Variants in MAPT observed in about 807,000 individuals in gnomAD.
MAPT encodes microtubule-associated protein tau.
In MAPT, 34 loss-of-function variants were observed where a neutral mutation model predicts 67.9. That is an observed-to-expected ratio of 0.50 (90% CI 0.38 to 0.67). The LOEUF is 0.67. Ranked by LOEUF, MAPT falls within the 30% of genes least tolerant of loss-of-function variation. The pLI is 0.00. For missense variants in MAPT, 881 were observed against 1,115.2 expected, an observed-to-expected ratio of 0.79 and a Z score of 2.99; for synonymous variants, 456 against 464.5, an observed-to-expected ratio of 0.98 and a Z score of 0.23.
rs577329592 is a variant in MAPT, at chr17:45,990,993, C to A, written c.1606-467C>A. The stretch of plus-strand genomic sequence containing the variant: ...TTTGCGAGAGAATGAAAGAACACGA[C>A]CTAGCTCTCTTTAGCATCCTTGGTC... On this transcript the variant is annotated intron_variant, in intron 7 of 12. Transcript: ENST00000262410. Among the ~76,000 whole-genome samples the A allele has an allele frequency of 3.9e-5, 6 of 152,304 alleles. 1 individual carries two copies. The South Asian group carries it at 1.2e-3, about 32-fold the overall frequency.
chr17:45,962,055 G>A (rs1405833974), intron 1 of MAPT, among the ~76,000 whole-genome samples: 4 of 152,156 alleles, frequency 2.6e-5, no homozygotes, highest in Admixed American at 6.5e-5. Context: ...GATCACAGGC[G>A]TGAGCCACCA....
chr17:46,022,461 C>G (rs77747656), intron 12 of MAPT, among the ~76,000 whole-genome samples: 21,770 of 151,888 alleles, frequency 0.14, 2,125 homozygotes, highest in Non-Finnish European at 0.22. Context: ...AGCTTAAATG[C>G]GAACCTGGTT....
intron 6 of MAPT, among the ~76,000 whole-genome samples, chr17:45,989,526 C>A (rs2073889169): frequency 6.6e-6 from 1 of 152,162 alleles, no homozygotes; most frequent in Non-Finnish European, 1.5e-5. Flanking sequence ...TGGTGGGCGC[C>A]TGTAGTCCCA....
chr17:46,024,915 C>CA lies in MAPT; in HGVS notation c.*745dup, dbSNP rs2076742192. ...GGTCAGTGTGCCACCCTCTGCAGGG[C>CA]AGCCTGTGGGAGAAGGGACAGCGGG... On this transcript the variant is annotated 3_prime_UTR_variant, in exon 13 of 13. Transcript: ENST00000262410. 6.5e-6 allele frequency: 1 copy of CA among 154,252 alleles called. No homozygotes were observed. Among genetic ancestry groups the CA allele is most frequent in the Non-Finnish European group, 1.4e-5 (1 of 69,442 alleles). The allele number at this position is 154,252 out of a possible 1,614,324, so 9.6% of individuals were successfully genotyped here. A position where few individuals can be genotyped will look rare whatever the true frequency, so the allele number is the denominator to read the frequency against.
rs1481566374 is a variant in MAPT, at chr17:46,010,664, G to A, written c.2091+262G>A. Among the ~76,000 whole-genome samples, 1 of 152,316 alleles carries A rather than the reference G, an allele frequency of 6.6e-6. No homozygotes were observed. The highest frequency in any genetic ancestry group is 6.5e-5 in the Admixed American group (1 of 15,306). ...CCAGCCTGCGCAGGCTGTGTGGACA[G>A]AATAGGGCAGATGACGGACCCTCTC... is the stretch of plus-strand genomic sequence containing the variant. On this transcript the variant is annotated intron_variant, in intron 10 of 12. Transcript: ENST00000262410. This position sits in a 1 kb window ranked among gnomAD's most constrained non-coding sequence, Gnocchi z 4.7.
intron 9 of MAPT, among the ~76,000 whole-genome samples, chr17:46,007,692 G>A (rs2075546342): frequency 6.6e-6 from 1 of 152,114 alleles, no homozygotes; most frequent in Admixed American, 6.5e-5. Flanking sequence ...CCCAGTGCTG[G>A]CAGCAATGTG....
chr17:45,988,995 T>TG (rs1470976269), intron 6 of MAPT, among the ~76,000 whole-genome samples: 2 of 150,094 alleles, frequency 1.3e-5, no homozygotes, highest in Middle Eastern at 3.2e-3. Flanking sequence ...AAAGCACATG[T>TG]GTGGTGGGGG....
At chr17:46,004,441 G>A (rs1444697859) in intron 9 of MAPT, among the ~76,000 whole-genome samples, 2 of 152,220 alleles carry the variant, frequency 1.3e-5, no homozygotes, top group South Asian at 2.1e-4. Context: ...CTGACTAGGA[G>A]TTCCCTGGAT....
intron 8 of MAPT, among the ~76,000 whole-genome samples, chr17:45,992,182 C>T (rs1274864676): frequency 6.6e-6 from 1 of 152,110 alleles, no homozygotes; most frequent in Non-Finnish European, 1.5e-5. Flanking sequence ...GAAATCGAGC[C>T]TCTGAGAGTT....
Position 45,906,587 on chromosome 17 carries a change from G to C in MAPT, c.-18+11901G>C, listed in dbSNP as rs890447782. 2.0e-5 allele frequency among the ~76,000 whole-genome samples: 3 copies of C among 152,072 alleles called. No homozygotes were observed. The highest frequency in any genetic ancestry group is 4.4e-5 in the Non-Finnish European group (3 of 68,016). On this transcript the variant is annotated intron_variant, in intron 1 of 12. Transcript: ENST00000262410. This position sits in a 1 kb window ranked among gnomAD's most constrained non-coding sequence, Gnocchi z 4.3. ...CACCCTGTAAATGGAGGGTTTCTCC[G>C]GAGCGTGGATGGTGGGAGGTATTTC...
At chr17:45,970,706 G>T (rs1312174442) in intron 2 of MAPT, among the ~76,000 whole-genome samples, 1 of 152,226 alleles carries the variant, frequency 6.6e-6, no homozygotes, top group East Asian at 1.9e-4. Flanking sequence ...CAGGTCCAAG[G>T]CCACCTGACC....
chr17:45,992,057 A>T (rs2074102771), intron 8 of MAPT, among the ~76,000 whole-genome samples: 1 of 152,114 alleles, frequency 6.6e-6, no homozygotes. Context: ...AAGTGCTGGG[A>T]TTACAGGCAT....
At position 46,018,718 on chromosome 17, in the gene MAPT, A is replaced by G. The variant is rs746410020; in HGVS notation, c.2274A>G (p.Gly758=). ...SLDNITHVPG[G]GNKKIETHKL... ...ACAATATCACCCACGTCCCTGGCGG[A>G]GGAAATAAAAAGGTAAAGGGGGTAG... The change falls in exon 12 of 13, where the codon GGA becomes GGG. Residue 758 remains glycine (G), a synonymous_variant. Transcript: ENST00000262410. 1.2e-6 allele frequency: 2 copies of G among 1,613,518 alleles called. No individual in the cohort carries two copies. Among genetic ancestry groups the G allele is most frequent in the South Asian group, 2.2e-5 (2 of 91,070 alleles).
At chr17:45,929,135 C>A (rs2066626710) in intron 1 of MAPT, among the ~76,000 whole-genome samples, 1 of 152,146 alleles carries the variant, frequency 6.6e-6, no homozygotes, top group Non-Finnish European at 1.5e-5. Context: ...CTCCCTAAGC[C>A]TCCCTAGAAG....
chr17:45,954,824 C>CA (rs892356637), intron 1 of MAPT, among the ~76,000 whole-genome samples: 12 of 147,720 alleles, frequency 8.1e-5, no homozygotes, highest in South Asian at 2.1e-4. Flanking sequence ...ACTAAAAATA[C>CA]AAAAAAAAAA....
chr17:45,987,947 GTTCC>G (rs1456546935), intron 6 of MAPT, among the ~76,000 whole-genome samples: 19 of 152,268 alleles, frequency 1.2e-4, no homozygotes, highest in African/African-American at 2.2e-4. Flanking sequence ...GCATTCATTT[GTTCC>G]TTCCTTCATT....
chr17:45,902,612 C>A (rs533360389), intron 1 of MAPT, among the ~76,000 whole-genome samples: 1 of 152,250 alleles, frequency 6.6e-6, no homozygotes, highest in South Asian at 2.1e-4. Context: ...GGGCATTCTC[C>A]CCGCCCATCT....
intron 9 of MAPT, among the ~76,000 whole-genome samples, chr17:46,001,363 A>T (rs2074984460): frequency 6.6e-6 from 1 of 152,188 alleles, no homozygotes; most frequent in African/African-American, 2.4e-5. Context: ...AATGGAGGGG[A>T]AAAAGAGTAC....
intron 1 of MAPT, among the ~76,000 whole-genome samples, chr17:45,956,593 TATA>T (rs2069733409): frequency 7.0e-5 from 1 of 14,384 alleles, no homozygotes; most frequent in Non-Finnish European, 2.2e-4. Flanking sequence ...TATATATATA[TATA>T]TATATTTTTT....
Sources: allele counts gnomAD v4.1 joint callset (sites outside exome capture counted in the v4.1 genomes callset), GRCh38; gene constraint gnomAD v4.1.1; non-coding constraint Gnocchi (gnomAD v3.1); transcripts MANE v1.5; gene names NCBI Gene and HGNC (gene_info 2026-07-23, HGNC 2026-07-21).